Variants in KCNN2 observed in about 807,000 individuals in gnomAD.
The protein encoded by KCNN2 is small conductance calcium-activated potassium channel protein 2.
A neutral mutation model predicts 55.5 loss-of-function variants in KCNN2; 24 were observed. The observed-to-expected ratio is 0.43, with a 90% CI of 0.31 to 0.61. KCNN2 has a LOEUF of 0.61. Ranked by LOEUF, KCNN2 falls within the 20% of genes least tolerant of loss-of-function variation. The pLI is 0.08. For missense variants in KCNN2, 754 were observed against 853.6 expected (o/e 0.88, Z 1.45); for synonymous variants, 431 against 336.1 (o/e 1.28, Z -3.09).
intron 3 of KCNN2, among the ~76,000 whole-genome samples, chr5:114,442,567 C>T (rs1760256819): frequency 6.6e-6 from 1 of 152,118 alleles, no homozygotes; most frequent in African/African-American, 2.4e-5. Context: ...TGTCTCTTTC[C>T]TGCCCTCATG....
chr5:114,495,782 A>T (rs1409976780), intron 7 of KCNN2, 113 bp from the exon 8 acceptor site: 1 of 919,512 alleles, frequency 1.1e-6, no homozygotes, highest in African/African-American at 1.7e-5. Flanking sequence ...GTTAGCTGAC[A>T]CCCCTGTTAC....
At chr5:114,334,184 A>G (rs1392656167) in intron 2 of KCNN2, among the ~76,000 whole-genome samples, 1 of 151,738 alleles carries the variant, frequency 6.6e-6, no homozygotes, top group Non-Finnish European at 1.5e-5. Context: ...TCCCTTCTCA[A>G]ATTAAGAAAG....
chr5:114,401,828 C>T (rs1758797185), intron 2 of KCNN2, among the ~76,000 whole-genome samples: 1 of 152,142 alleles, frequency 6.6e-6, no homozygotes, highest in African/African-American at 2.4e-5. Context: ...GAATAGTAGG[C>T]AATGAAGTTG....
chr5:114,489,747 A>G (rs1442947099), intron 6 of KCNN2, among the ~76,000 whole-genome samples: 1 of 152,144 alleles, frequency 6.6e-6, no homozygotes, highest in African/African-American at 2.4e-5. Context: ...GTCATAGGGG[A>G]AGCACACAGG....
intron 1 of KCNN2, among the ~76,000 whole-genome samples, chr5:114,082,620 A>C (rs79651961): frequency 0.016 from 2,367 of 152,304 alleles, 56 homozygotes; most frequent in African/African-American, 0.053. Flanking sequence ...GGTCTTGAAA[A>C]GTATGTTTAT....
intron 3 of KCNN2, among the ~76,000 whole-genome samples, chr5:114,445,058 GTAACA>G (rs943975339): frequency 2.0e-4 from 31 of 152,224 alleles, no homozygotes; most frequent in African/African-American, 6.7e-4. Context: ...GAATACAGTA[GTAACA>G]TAACATATGT....
chr5:114,191,867 A>T lies in KCNN2; in HGVS notation c.-270-29613A>T, dbSNP rs139415159. ...AGCTTCCTTTGAGCCATTCACCATG[A>T]CCCAGAAGCTGGCCTTAGGAAGTCC... On this transcript the variant is annotated intron_variant, in intron 1 of 10. Transcript: ENST00000512097. Among the ~76,000 whole-genome samples, 11 of 152,296 alleles carry T rather than the reference A, an allele frequency of 7.2e-5. No homozygotes were observed. In the East Asian group the frequency reaches 2.1e-3, roughly 29 times the overall value.
intron 3 of KCNN2, among the ~76,000 whole-genome samples, chr5:114,453,011 C>T (rs2150106420): frequency 6.6e-6 from 1 of 152,270 alleles, no homozygotes. Context: ...CTCTCTGAGC[C>T]TGCAGCTGGT....
intron 1 of KCNN2, among the ~76,000 whole-genome samples, chr5:114,146,021 T>C (rs1442860664): frequency 8.5e-5 from 13 of 152,092 alleles, no homozygotes; most frequent in Admixed American, 7.9e-4. Context: ...CAATTTCAGG[T>C]GTCTAGCAGG....
intron 1 of KCNN2, among the ~76,000 whole-genome samples, chr5:114,207,538 T>C (rs1174345122): frequency 6.6e-6 from 1 of 152,194 alleles, no homozygotes; most frequent in African/African-American, 2.4e-5. Flanking sequence ...GTAACTTGAT[T>C]TTCAGCATCT....
At chr5:114,400,432 A>G (rs1758752754) in intron 2 of KCNN2, among the ~76,000 whole-genome samples, 2 of 152,152 alleles carry the variant, frequency 1.3e-5, no homozygotes, top group African/African-American at 2.4e-5. Context: ...CCTTCCTTCC[A>G]CAACTGCCCC....
intron 2 of KCNN2, among the ~76,000 whole-genome samples, chr5:114,312,832 T>C (rs1580714544): frequency 2.0e-5 from 3 of 152,128 alleles, no homozygotes; most frequent in African/African-American, 7.2e-5. Context: ...GTTATTGCTA[T>C]GTAACATGGC....
At chr5:114,363,860 A>G (rs1757525634) in intron 1 of KCNN2, 46 bp from the exon 2 acceptor site, 2 of 1,472,672 alleles carry the variant, frequency 1.4e-6, no homozygotes, top group Non-Finnish European at 1.9e-6. Flanking sequence ...GAAGGCGGTT[A>G]AAAGTGCTTC....
intron 6 of KCNN2, among the ~76,000 whole-genome samples, chr5:114,491,668 G>C (rs1277465804): frequency 6.6e-6 from 1 of 152,010 alleles, no homozygotes; most frequent in Non-Finnish European, 1.5e-5. Context: ...TCACTTAAAG[G>C]CATCTAGAAT....
At chr5:114,285,140 C>T (rs1011493987) in intron 2 of KCNN2, among the ~76,000 whole-genome samples, 12 of 151,248 alleles carry the variant, frequency 7.9e-5, no homozygotes, top group African/African-American at 2.4e-4. Context: ...AAAAATTAGC[C>T]GGGTGTGGTG....
intron 1 of KCNN2, among the ~76,000 whole-genome samples, chr5:114,131,663 G>A (rs1458593211): frequency 3.3e-5 from 5 of 152,130 alleles, no homozygotes; most frequent in Non-Finnish European, 5.9e-5. Flanking sequence ...GGGATTGCTG[G>A]GTCAAATGGT....
intron 1 of KCNN2, among the ~76,000 whole-genome samples, chr5:114,150,845 A>G (rs1752506020): frequency 6.6e-6 from 1 of 152,166 alleles, no homozygotes; most frequent in Non-Finnish European, 1.5e-5. Context: ...AACATGGAGA[A>G]ACCTCATCTC....
chr5:114,307,076 C>A (rs1756295278), intron 2 of KCNN2, among the ~76,000 whole-genome samples: 1 of 152,104 alleles, frequency 6.6e-6, no homozygotes, highest in Non-Finnish European at 1.5e-5. Context: ...TTCCATAGTC[C>A]TTGCAAAGTC....
At chr5:114,084,379 T>A (rs969386211) in intron 1 of KCNN2, among the ~76,000 whole-genome samples, 9 of 152,094 alleles carry the variant, frequency 5.9e-5, no homozygotes, top group African/African-American at 1.9e-4. Flanking sequence ...GATACATACG[T>A]TATGGTATTT....
Sources: gnomAD v4.1 joint callset for allele counts (sites outside exome capture counted in the v4.1 genomes callset) on GRCh38, gnomAD v4.1.1 for gene constraint, MANE v1.5 for transcripts, NCBI Gene and HGNC (gene_info 2026-07-23, HGNC 2026-07-21) for gene names.